The following MAP2 variants were observed in gnomAD, a reference collection of about 807,000 sequenced individuals.
MAP2 encodes microtubule associated protein 2, also known as microtubule-associated protein 2.
In MAP2, 14 loss-of-function variants were observed where a neutral mutation model predicts 137.6. That is an observed-to-expected ratio of 0.10 (90% CI 0.07 to 0.16). The LOEUF (loss-of-function observed/expected upper bound fraction) is 0.16. Among genes scored for constraint, MAP2 ranks in the 10% least tolerant of loss-of-function variants. The pLI is 1.00. For synonymous variants in MAP2, 786 were observed against 782.3 expected, an observed-to-expected ratio of 1.00 and a Z score of -0.08; for missense variants, 2,088 against 2,191.5, an observed-to-expected ratio of 0.95 and a Z score of 0.94.
chr2:209,499,429 A>G (rs914092818), intron 1 of MAP2, among the ~76,000 whole-genome samples: 4 of 151,990 alleles, frequency 2.6e-5, no homozygotes, highest in East Asian at 1.9e-4. Context: ...ACTTTCCCTC[A>G]TCTTTCTGTC....
chr2:209,464,698 A>G (rs1177231420), intron 1 of MAP2, among the ~76,000 whole-genome samples: 1 of 152,132 alleles, frequency 6.6e-6, no homozygotes, highest in Non-Finnish European at 1.5e-5. Flanking sequence ...ATCAACTTCT[A>G]CTAAAGGTTA....
intron 2 of MAP2, among the ~76,000 whole-genome samples, chr2:209,508,703 A>G (rs2061381630): frequency 6.6e-6 from 1 of 151,812 alleles, no homozygotes; most frequent in Non-Finnish European, 1.5e-5. Flanking sequence ...AATAGAATAT[A>G]TTAAAATTAT....
At chr2:209,569,412 T>C (rs988671068) in intron 2 of MAP2, among the ~76,000 whole-genome samples, 18 of 151,862 alleles carry the variant, frequency 1.2e-4, no homozygotes, top group Non-Finnish European at 2.2e-4. Flanking sequence ...TTGGGATACA[T>C]TCATGAACAA....
intron 5 of MAP2, among the ~76,000 whole-genome samples, chr2:209,667,114 A>G (rs975302522): frequency 1.1e-4 from 16 of 150,368 alleles, no homozygotes; most frequent in Non-Finnish European, 1.9e-4. Flanking sequence ...CTTGTATTTT[A>G]TGCTATAAAA....
chr2:209,660,385 ATTTTTTTTTTT>A (rs869139522), intron 5 of MAP2, among the ~76,000 whole-genome samples: 18 of 64,210 alleles, frequency 2.8e-4, no homozygotes, highest in Non-Finnish European at 4.5e-4. Flanking sequence ...TGTTGCTGCA[ATTTTTTTTTTT>A]TTTTTTTTTT....
intron 13 of MAP2, chr2:209,723,651 C>T (rs200504885): frequency 6.2e-7 from 1 of 1,613,990 alleles, no homozygotes; most frequent in East Asian, 2.2e-5. Flanking sequence ...GATGTGGTTC[C>T]AAGGATAACA....
chr2:209,542,444 A>G (rs2067227997), intron 2 of MAP2, among the ~76,000 whole-genome samples: 1 of 152,240 alleles, frequency 6.6e-6, no homozygotes, highest in South Asian at 2.1e-4. Flanking sequence ...TCACCACTGC[A>G]CTAGCCTCTA....
chr2:209,428,922 AT>A (rs1308865956), intron 1 of MAP2, among the ~76,000 whole-genome samples: 3 of 133,360 alleles, frequency 2.2e-5, no homozygotes, highest in South Asian at 2.4e-4. Flanking sequence ...ACTTTATTTT[AT>A]TTTATTTATT....
In MAP2 at chr2:209,696,570, G is replaced by C. The variant is rs1209805638; in HGVS notation, c.4209G>C (p.Gln1403His). 6.2e-7 allele frequency: 1 copy of C among 1,613,608 alleles called. No individual in the cohort carries two copies. Among genetic ancestry groups the C allele is most frequent in the Non-Finnish European group, 8.5e-7 (1 of 1,179,886 alleles). The change falls in exon 9 of 16, where the codon CAG becomes CAC. Residue 1403 changes from glutamine to histidine, a missense_variant. This residue lies in a region of MAP2 where 591 missense variants were observed against 642.6 expected (regional missense o/e 0.92). Transcript: ENST00000682079. ...ATGATAGGAGCATCATGACAGAACA[G>C]TTAGAAACTATTCCTAAAGAGGAGA... ...QDDDRSIMTE[Q>H]LETIPKEEKA... is the part of the protein sequence containing the mutation.
chr2:209,549,596 C>A (rs1055092907), intron 2 of MAP2, among the ~76,000 whole-genome samples: 6 of 152,010 alleles, frequency 3.9e-5, no homozygotes, highest in Non-Finnish European at 7.4e-5. Context: ...ATTCTTTCAA[C>A]CTTTACAGAA....
At chr2:209,611,942 G>T (rs1321676193) in intron 3 of MAP2, among the ~76,000 whole-genome samples, 1 of 152,094 alleles carries the variant, frequency 6.6e-6, no homozygotes, top group Non-Finnish European at 1.5e-5. Context: ...AAACCTATTA[G>T]CGTGTATCAC....
chr2:209,556,042 C>CTT lies in MAP2; in HGVS notation c.-171-23979_-171-23978dup, dbSNP rs766218011. Among the ~76,000 whole-genome samples, 1,071 of 108,462 alleles carry CTT rather than the reference C, an allele frequency of 9.9e-3. 25 individuals carry two copies. The highest frequency in any genetic ancestry group is 0.033 in the African/African-American group (949 of 29,192). 71.2% of individuals were successfully genotyped at this position (108,462 alleles called of 152,430 possible). ...ATTCTTTCTTTTTTTTTTTTCTTTT[C>CTT]TTTTTTTTTTTTTTTTAGAGGCAGC... On this transcript the variant is annotated intron_variant, in intron 2 of 15. Transcript: ENST00000682079.
intron 4 of MAP2, among the ~76,000 whole-genome samples, chr2:209,652,372 C>T (rs1416790916): frequency 1.3e-5 from 2 of 152,166 alleles, no homozygotes; most frequent in Non-Finnish European, 2.9e-5. Flanking sequence ...TATTTCCTTT[C>T]TCTCTGTAAG....
chr2:209,579,228 T>C (rs1464425531), intron 2 of MAP2: 1 of 151,982 alleles, frequency 6.6e-6, no homozygotes, highest in African/African-American at 2.4e-5. Flanking sequence ...TAATCCTATA[T>C]GCCTGAAAAC....
intron 3 of MAP2, among the ~76,000 whole-genome samples, chr2:209,596,910 C>G (rs976982721): frequency 6.6e-6 from 1 of 152,162 alleles, no homozygotes; most frequent in Non-Finnish European, 1.5e-5. Flanking sequence ...CCTATTATCT[C>G]TTTATTCCTC....
chr2:209,723,999 A>G (rs1044731402), intron 13 of MAP2, among the ~76,000 whole-genome samples: 12 of 152,180 alleles, frequency 7.9e-5, no homozygotes, highest in African/African-American at 2.9e-4. Flanking sequence ...CTTGTCTTCA[A>G]TGTATTTTCT....
intron 4 of MAP2, among the ~76,000 whole-genome samples, chr2:209,644,169 A>G (rs1185102423): frequency 6.6e-6 from 1 of 152,214 alleles, no homozygotes; most frequent in African/African-American, 2.4e-5. Context: ...GGAATGGATG[A>G]TCACCAAAGA....
chr2:209,567,009 G>C (rs1043925410), intron 2 of MAP2, among the ~76,000 whole-genome samples: 1 of 152,090 alleles, frequency 6.6e-6, no homozygotes, highest in African/African-American at 2.4e-5. Context: ...ATCTATATGC[G>C]TATAAGCATT....
intron 1 of MAP2, among the ~76,000 whole-genome samples, chr2:209,478,226 C>T (rs986586249): frequency 6.6e-6 from 1 of 152,100 alleles, no homozygotes; most frequent in African/African-American, 2.4e-5. Flanking sequence ...GGAACCCAGC[C>T]TCTGAAATCA....
Sources: allele counts gnomAD v4.1 joint callset (sites outside exome capture counted in the v4.1 genomes callset), GRCh38; gene constraint gnomAD v4.1.1; regional missense constraint gnomAD v4.1.1; transcripts MANE v1.5; gene names NCBI Gene and HGNC (gene_info 2026-07-23, HGNC 2026-07-21).